The following FGF11 variants were observed in gnomAD, a reference collection of about 807,000 sequenced individuals.
FGF11 encodes the protein fibroblast growth factor 11, also known as fibroblast growth factor homologous factor 3.
In FGF11, 25 loss-of-function variants were observed where a neutral mutation model predicts 25.1. The ratio of observed to expected loss-of-function variants is 1.00; its 90% CI spans 0.73 to 1.39. The LOEUF is 1.39. Among genes scored for constraint, FGF11 ranks in the 40% most tolerant of loss-of-function variants. The pLI is 0.00. For missense variants in FGF11, 320 were observed against 311.0 expected (o/e 1.03, Z -0.22); for synonymous variants, 130 against 128.9 (o/e 1.01, Z -0.06).
Position 7,440,955 on chromosome 17 carries a change from G to T in FGF11, c.194-516G>T. The T allele has an allele frequency of 1.0e-6, 1 of 1,004,014 alleles. No homozygotes were observed. The allele number at this position is 1,004,014 out of a possible 1,614,324, so 62.2% of individuals were successfully genotyped here. On this transcript the variant is annotated intron_variant, in intron 1 of 4. Transcript: ENST00000293829. This position sits in a 1 kb window ranked among gnomAD's most constrained non-coding sequence, Gnocchi z 5.4. ...AGATGGGTCAGTGTCAGACAGGCCGGCGCTGGGCCAAGGCAAGGCTCTCGC... is the reference window on the plus strand; with the variant it reads ...AGATGGGTCAGTGTCAGACAGGCCGTCGCTGGGCCAAGGCAAGGCTCTCGC...
chr17:7,439,452 A>AG, upstream of FGF11: 2 of 380,886 alleles, frequency 5.3e-6, no homozygotes, highest in Middle Eastern at 6.3e-4. Flanking sequence ...GCTGCTGTGG[A>AG]GGGGGGTACG....
rs1471354007 is a variant in FGF11, at chr17:7,439,793, C to T, written c.173C>T (p.Ala58Val). ...GTGCGACTGTGCGGGGGGCGGCCCG[C>T]GCGGCCGGACCGCGGCCCGGGTGAG... ...SKVRLCGGRP[A>V]RPDRGPEPQL... is the part of the protein sequence containing the mutation. Residue 58 changes from alanine (A) to valine (V), a missense_variant, in exon 1 of 5, where the codon GCG becomes GTG. Ala to Val is a moderately conservative substitution (Grantham distance 64). Coordinates refer to ENST00000293829, the MANE Select transcript of FGF11 (RefSeq NM_004112.4). The T allele has an allele frequency of 6.9e-7, 1 of 1,452,310 alleles. No homozygotes were observed. Among genetic ancestry groups the T allele is most frequent in the African/African-American group, 1.5e-5 (1 of 66,944 alleles). The allele number at this position is 1,452,310 out of a possible 1,614,324, so 90.0% of individuals were successfully genotyped here.
intron 1 of FGF11, 161 bp from the exon 2 acceptor site, chr17:7,441,308 GAA>G: frequency 2.2e-6 from 2 of 917,142 alleles, no homozygotes; most frequent in Non-Finnish European, 3.2e-6. Context: ...TCCCAGGAGT[GAA>G]AGAGAGGTGG....
At position 7,439,786 on chromosome 17, in the gene FGF11, C is replaced by A; in HGVS notation, c.166C>A (p.Arg56=). ...GTCCAAGGTGCGACTGTGCGGGGGG[C>A]GGCCCGCGCGGCCGGACCGCGGCCC... ...LLSKVRLCGG[R]PARPDRGPEP... Residue 56 remains arginine (R), a synonymous_variant, in exon 1 of 5, where the codon CGG becomes AGG. Transcript: ENST00000293829. 1.4e-6 allele frequency: 2 copies of A among 1,459,166 alleles called. No individual in the cohort carries two copies. The highest frequency in any genetic ancestry group is 1.4e-5 in the South Asian group (1 of 69,718). The allele number at this position is 1,459,166 out of a possible 1,614,324, so 90.4% of individuals were successfully genotyped here.
chr17:7,443,212 C>T lies in FGF11; in HGVS notation c.*66C>T. The T allele has an allele frequency of 2.0e-6, 2 of 1,020,732 alleles. No homozygotes were observed. Among genetic ancestry groups the T allele is most frequent in the Non-Finnish European group, 3.0e-6 (2 of 662,206 alleles). The allele number at this position is 1,020,732 out of a possible 1,614,324, so 63.2% of individuals were successfully genotyped here. A position where few individuals can be genotyped will look rare whatever the true frequency, so the allele number is the denominator to read the frequency against. Reference sequence around the variant, plus strand: ...AGCCAGCCACCACCACAACCTGTCTCCCAGTCCTGCTCTCACCCCTGCTGC... The same window carrying T: ...AGCCAGCCACCACCACAACCTGTCTTCCAGTCCTGCTCTCACCCCTGCTGC... On this transcript the variant is annotated 3_prime_UTR_variant, in exon 5 of 5. Transcript: ENST00000293829.
In FGF11 at chr17:7,442,678, C is replaced by A; in HGVS notation, c.493C>A (p.Arg165Ser). 1 of 1,614,198 alleles carries A rather than the reference C, an allele frequency of 6.2e-7. No homozygotes were observed. Among genetic ancestry groups the A allele is most frequent in the Non-Finnish European group, 8.5e-7 (1 of 1,180,044 alleles). Residue 165 changes from arginine (R) to serine (S), a missense_variant, in exon 4 of 5, where the codon CGT (arginine) becomes AGT (serine). Arg to Ser is a moderately radical substitution (Grantham distance 110, BLOSUM62 -1). Transcript: ENST00000293829. ...VLYASALYRQ[R>S]RSGRAWYLGL... ...GTACGCCTCTGCTCTCTACCGCCAG[C>A]GTCGTTCTGGCCGGGCCTGGTACCT...
chr17:7,443,008 A>C (rs1285498107), intron 4 of FGF11, 68 bp from the exon 5 acceptor site: 3 of 1,330,804 alleles, frequency 2.3e-6, no homozygotes, highest in East Asian at 4.6e-5. Flanking sequence ...CTTTTGGAGC[A>C]CTGGTTCTGC....
In FGF11 at chr17:7,444,355, C is replaced by T. The variant is rs1198923827; in HGVS notation, c.*1209C>T. The T allele has an allele frequency of 6.6e-6, 1 of 152,528 alleles. No homozygotes were observed. Among genetic ancestry groups the T allele is most frequent in the African/African-American group, 2.4e-5 (1 of 41,428 alleles). The allele number at this position is 152,528 out of a possible 1,614,324, so 9.4% of individuals were successfully genotyped here. On this transcript the variant is annotated 3_prime_UTR_variant, in exon 5 of 5. Transcript: ENST00000293829. ...ATACTTAGCTACCTCAGCAGGAATT[C>T]CTTCCAGGTCCCCTTTAAAGCTGAG...
chr17:7,442,489 C>A, intron 3 of FGF11, 105 bp from the exon 4 acceptor site: 1 of 1,550,304 alleles, frequency 6.5e-7, no homozygotes, highest in Non-Finnish European at 8.7e-7. Flanking sequence ...TGTCCTCCCC[C>A]TCCCCCAAAA....
rs1232723184 is a variant in FGF11 at position 7,439,579 on chromosome 17, C to T, written c.-42C>T. On this transcript the variant is annotated 5_prime_UTR_variant, in exon 1 of 5. Transcript: ENST00000293829. ...CTCCTCTGGGGGAGCCCAGCGCGCT[C>T]CGGGCGCCTGCCGGTTTGGGGGTGT... 2 of 1,377,690 alleles carry T rather than the reference C, an allele frequency of 1.5e-6. No homozygotes were observed. Among genetic ancestry groups the T allele is most frequent in the African/African-American group, 3.1e-5 (2 of 65,084 alleles). The allele number at this position is 1,377,690 out of a possible 1,614,324, so 85.3% of individuals were successfully genotyped here.
In FGF11 at chr17:7,441,491, G is replaced by C. The variant is rs373533671; in HGVS notation, c.214G>C (p.Val72Leu). The change falls in exon 2 of 5, where the codon GTC becomes CTC. Residue 72 changes from valine to leucine, a missense_variant. Val to Leu is a conservative substitution (Grantham distance 32). Coordinates refer to ENST00000293829, the MANE Select transcript of FGF11 (RefSeq NM_004112.4). The part of the protein sequence containing the change: ...RGPEPQLKGI[V>L]TKLFCRQGFY... ...TCCAGAGCCTCAGCTCAAAGGCATC[G>C]TCACCAAACTGTTCTGCCGCCAGGG... 3.7e-6 allele frequency: 6 copies of C among 1,614,108 alleles called. No individual in the cohort carries two copies. The highest frequency in any genetic ancestry group is 2.2e-5 in the East Asian group (1 of 44,878).
At chr17:7,442,061 C>T (rs533440098) in intron 3 of FGF11, 182 bp downstream of exon 3, 103 of 550,078 alleles carry the variant, frequency 1.9e-4, no homozygotes, top group Non-Finnish European at 2.8e-4. Flanking sequence ...TCTCTCCAGT[C>T]CCCACTCCTT....
intron 3 of FGF11, 43 bp downstream of exon 3, chr17:7,441,922 C>T (rs2150834495): frequency 1.4e-6 from 2 of 1,403,294 alleles, no homozygotes; most frequent in Middle Eastern, 1.8e-4. Context: ...CTGGGGACTC[C>T]CCTTCCTCAA....
chr17:7,441,774 A>G lies in FGF11; in HGVS notation c.305-2A>G. Reference sequence around the variant, plus strand: ...ATTGATGCTCCCTCTCTCCACCTGCAGCCCACTTCAACCTGATCCCTGTGG... The same window carrying G: ...ATTGATGCTCCCTCTCTCCACCTGCGGCCCACTTCAACCTGATCCCTGTGG... On this transcript the variant is annotated splice_acceptor_variant, in intron 2 of 4. Transcript: ENST00000293829. LOFTEE classifies it high-confidence loss of function. 5.0e-6 allele frequency: 8 copies of G among 1,598,690 alleles called. No individual in the cohort carries two copies. The highest frequency in any genetic ancestry group is 6.8e-6 in the Non-Finnish European group (8 of 1,171,830).
At position 7,439,728 on chromosome 17, in the gene FGF11, G is replaced by A. The variant is rs773858153; in HGVS notation, c.108G>A (p.Lys36=). 14 of 1,574,330 alleles carry A rather than the reference G, an allele frequency of 8.9e-6. No homozygotes were observed. In the Middle Eastern group the frequency reaches 2.2e-3, roughly 245 times the overall value. Residue 36 remains lysine (K), a synonymous_variant, in exon 1 of 5, where the codon AAG becomes AAA. Coordinates refer to ENST00000293829, the MANE Select transcript of FGF11 (RefSeq NM_004112.4). ...GGCGCGTGTGTCCCCGCGGCACCAA[G>A]TCCCTTTGCCAGAAGCAGCTCCTCA... ...AQRRVCPRGT[K]SLCQKQLLIL...
upstream of FGF11, chr17:7,439,468 G>A: frequency 5.5e-6 from 3 of 541,366 alleles, no homozygotes; most frequent in East Asian, 3.6e-5. Flanking sequence ...GTACGTGAGG[G>A]GGGGGGTCTG....
chr17:7,439,922 A>G (rs1908237229), intron 1 of FGF11, 109 bp downstream of exon 1: 1 of 941,804 alleles, frequency 1.1e-6, no homozygotes, highest in South Asian at 2.2e-5. Flanking sequence ...CCGAAAGTGG[A>G]AGGGGGTGGG....
rs1908279026 is a variant in FGF11 at position 7,440,653 on chromosome 17, G to T, written c.194-818G>T. The T allele has an allele frequency of 4.5e-5, 44 of 985,176 alleles. No homozygotes were observed. The highest frequency in any genetic ancestry group is 4.9e-5 in the Non-Finnish European group (41 of 830,034). The allele number at this position is 985,176 out of a possible 1,614,324, so 61.0% of individuals were successfully genotyped here. ...AGGGAGTCCCTCTGGCCCTGCTCCC[G>T]CCCGCTCCCAGCTCCCCTAAGGGTA... On this transcript the variant is annotated intron_variant, in intron 1 of 4. Transcript: ENST00000293829. The surrounding 1 kb of genome is among the most constrained non-coding windows in gnomAD (Gnocchi z 5.4).
rs1282930617 is a variant in FGF11 at position 7,444,081 on chromosome 17, C to A, written c.*935C>A. The A allele has an allele frequency of 6.6e-6, 1 of 152,188 alleles. No individual in the cohort carries two copies. The highest frequency in any genetic ancestry group is 1.9e-4 in the East Asian group (1 of 5,206). 9.4% of individuals were successfully genotyped at this position (152,188 alleles called of 1,614,324 possible). On this transcript the variant is annotated 3_prime_UTR_variant, in exon 5 of 5. Transcript: ENST00000293829. ...TTCATAAAAACACTTCTGGATGAAT[C>A]AAGAACCATTTCTTGTTTTTCCTAG...
Sources: allele counts gnomAD v4.1 joint callset, GRCh38; gene constraint gnomAD v4.1.1; non-coding constraint Gnocchi (gnomAD v3.1); transcripts MANE v1.5; gene names NCBI Gene and HGNC (gene_info 2026-07-23, HGNC 2026-07-21).